ANKRD26: variants seen among roughly 807,000 people sequenced by gnomAD.
ANKRD26 encodes the protein ankyrin repeat domain-containing protein 26.
Under a neutral mutation model 208.7 loss-of-function variants are expected in ANKRD26, and 141 were observed. That is an observed-to-expected ratio of 0.68 (90% CI 0.59 to 0.78). The LOEUF is 0.78. Ranked by LOEUF, ANKRD26 falls within the 30% of genes least tolerant of loss-of-function variation. The pLI is 0.00. For synonymous variants in ANKRD26, 636 were observed against 660.4 expected (o/e 0.96, Z 0.57); for missense variants, 1,889 against 1,938.7 (o/e 0.97, Z 0.48).
At chr10:27,087,573 T>A (rs2056164974) in intron 4 of ANKRD26, among the ~76,000 whole-genome samples, 1 of 152,228 alleles carries the variant, frequency 6.6e-6, no homozygotes, top group Non-Finnish European at 1.5e-5. Flanking sequence ...TGAATTCACT[T>A]ATAAATATAG....
chr10:26,975,400 T>G (rs1239622281), exon 6 of ANKRD26, among the ~76,000 whole-genome samples: 2 of 101,886 alleles, frequency 2.0e-5, no homozygotes, highest in African/African-American at 4.2e-5. Context: ...AGCTAATTTT[T>G]GCTTTTTTTT....
At chr10:27,028,761 C>A in intron 27 of ANKRD26, 91 bp downstream of exon 27, 2 of 1,071,106 alleles carry the variant, frequency 1.9e-6, no homozygotes, top group South Asian at 2.7e-5. Flanking sequence ...CACTTCTGGT[C>A]TCAAGCATTT....
At chr10:26,979,586 C>A (rs985479966) in intron 5 of ANKRD26, among the ~76,000 whole-genome samples, 3 of 152,212 alleles carry the variant, frequency 2.0e-5, no homozygotes, top group Non-Finnish European at 4.4e-5. Flanking sequence ...GTTTCTAAAG[C>A]AGGTGGGATT....
chr10:27,014,668 TTC>T lies in ANKRD26; in HGVS notation c.4548_4549del (p.Asn1517Ter). On this transcript the variant is annotated frameshift_variant, in exon 31 of 34. Coordinates refer to ENST00000376087, the MANE Select transcript of ANKRD26 (RefSeq NM_014915.3). LOFTEE classifies it high-confidence loss of function. The stretch of plus-strand genomic sequence containing the variant: ...CTGACTTTTCATTGAAGCAAAATTA[TTC>T]TCTCTAAACTGCTCTAAGTTTTCTT... 1 of 1,613,482 alleles carries T rather than the reference TTC, an allele frequency of 6.2e-7. No homozygotes were observed. Among genetic ancestry groups the T allele is most frequent in the Non-Finnish European group, 8.5e-7 (1 of 1,179,836 alleles).
At chr10:27,023,683 A>G (rs1453243932) in intron 28 of ANKRD26, among the ~76,000 whole-genome samples, 4 of 152,172 alleles carry the variant, frequency 2.6e-5, no homozygotes, top group African/African-American at 4.8e-5. Flanking sequence ...AAACCACGTT[A>G]GAGAAAGACA....
chr10:27,080,620 C>T (rs1175497761), intron 6 of ANKRD26: 2 of 984,876 alleles, frequency 2.0e-6, no homozygotes, highest in African/African-American at 3.5e-5. Context: ...ACTATCTAAA[C>T]ACCTTCCTTC....
chr10:27,057,499 TTGTG>T (rs1250837056), intron 15 of ANKRD26, among the ~76,000 whole-genome samples: 2 of 152,104 alleles, frequency 1.3e-5, no homozygotes, highest in Non-Finnish European at 2.9e-5. Flanking sequence ...GTGTGTGTGT[TTGTG>T]TGTGTGTTCT....
chr10:26,982,727 CAGTT>C (rs960074500), exon 4 of ANKRD26, among the ~76,000 whole-genome samples: 1 of 152,184 alleles, frequency 6.6e-6, no homozygotes, highest in Non-Finnish European at 1.5e-5. Flanking sequence ...ACTGCCTCCT[CAGTT>C]AGAGCACTTC....
chr10:26,985,666 T>C (rs1346075509), intron 3 of ANKRD26, among the ~76,000 whole-genome samples: 1 of 152,162 alleles, frequency 6.6e-6, no homozygotes, highest in Non-Finnish European at 1.5e-5. Context: ...AAAGTTTCTG[T>C]TTTTGAATGA....
the ANKRD26 span, among the ~76,000 whole-genome samples, chr10:26,954,761 G>A: frequency 6.6e-6 from 1 of 152,188 alleles, no homozygotes; most frequent in Non-Finnish European, 1.5e-5. Flanking sequence ...TAAAATAAGA[G>A]TAGATATGTT....
intron 25 of ANKRD26, 43 bp downstream of exon 25, chr10:27,033,182 C>G: frequency 1.3e-6 from 2 of 1,505,794 alleles, no homozygotes; most frequent in Non-Finnish European, 1.8e-6. Context: ...TATATTTAAC[C>G]AGTTATAGAT....
intron 20 of ANKRD26, among the ~76,000 whole-genome samples, chr10:27,043,137 AAC>A (rs1366401062): frequency 6.6e-6 from 1 of 152,046 alleles, no homozygotes. Context: ...AGATACCATT[AAC>A]AAAATGAAAA....
chr10:27,077,014 C>T, intron 9 of ANKRD26: 1 of 322,228 alleles, frequency 3.1e-6, no homozygotes, highest in Non-Finnish European at 5.8e-6. Flanking sequence ...CAGTATCACC[C>T]TAATACCAAA....
At chr10:26,985,224 C>T (rs1179955854) in intron 3 of ANKRD26, among the ~76,000 whole-genome samples, 1 of 152,076 alleles carries the variant, frequency 6.6e-6, no homozygotes, top group Non-Finnish European at 1.5e-5. Context: ...GAGGGGGTTT[C>T]CTGGGTTATC....
intron 4 of ANKRD26, among the ~76,000 whole-genome samples, chr10:26,998,510 A>T (rs574866719): frequency 6.6e-6 from 1 of 152,294 alleles, no homozygotes; most frequent in African/African-American, 2.4e-5. Flanking sequence ...TAGCCTCTGA[A>T]ACAAGTATGT....
At chr10:27,071,465 C>T (rs529146901) in intron 9 of ANKRD26, among the ~76,000 whole-genome samples, 16 of 152,068 alleles carry the variant, frequency 1.1e-4, no homozygotes, top group South Asian at 6.2e-4. Flanking sequence ...TGAGCCACCA[C>T]ACCCGGCCGG....
chr10:26,998,931 G>A (rs1182371594), intron 4 of ANKRD26, among the ~76,000 whole-genome samples: 1 of 152,190 alleles, frequency 6.6e-6, no homozygotes, highest in Non-Finnish European at 1.5e-5. Flanking sequence ...AGTTCAAAGA[G>A]GTCGGGATAA....
At chr10:27,078,706 A>G (rs1011936343) in intron 7 of ANKRD26, among the ~76,000 whole-genome samples, 1 of 152,124 alleles carries the variant, frequency 6.6e-6, no homozygotes, top group Admixed American at 6.5e-5. Flanking sequence ...TTCTTACTAC[A>G]GAGAGAGAAA....
At chr10:27,040,680 C>T (rs908688459) in intron 20 of ANKRD26, among the ~76,000 whole-genome samples, 3 of 152,108 alleles carry the variant, frequency 2.0e-5, no homozygotes, top group Non-Finnish European at 2.9e-5. Context: ...CATGAAACAA[C>T]GAGTTTCAAG....
Sources: allele counts gnomAD v4.1 joint callset (sites outside exome capture counted in the v4.1 genomes callset), GRCh38; gene constraint gnomAD v4.1.1; transcripts MANE v1.5; gene names NCBI Gene and HGNC (gene_info 2026-07-23, HGNC 2026-07-21).